EXOSC7: variants seen among roughly 807,000 people sequenced by gnomAD.
EXOSC7 encodes the protein exosome complex component RRP42.
A neutral mutation model predicts 34.3 loss-of-function variants in EXOSC7; 25 were observed. That is an observed-to-expected ratio of 0.73 (90% CI 0.53 to 1.02). The LOEUF is 1.02. Among genes scored for constraint, EXOSC7 ranks in the 50% least tolerant of loss-of-function variants. The pLI, the probability that EXOSC7 is intolerant of heterozygous loss-of-function variation, is 0.00. For synonymous variants in EXOSC7, 130 were observed against 143.0 expected, an observed-to-expected ratio of 0.91 and a Z score of 0.65; for missense variants, 370 against 368.5, an observed-to-expected ratio of 1.00 and a Z score of -0.03.
chr3:44,994,365 A>G (rs1324014119), intron 3 of EXOSC7, among the ~76,000 whole-genome samples: 1 of 150,360 alleles, frequency 6.7e-6, no homozygotes, highest in East Asian at 1.9e-4. Context: ...TGTTTCATGT[A>G]GGGATTTTTT....
chr3:45,009,510 T>A (rs9830872), intron 7 of EXOSC7, among the ~76,000 whole-genome samples: 1,530 of 103,452 alleles, frequency 0.015, 29 homozygotes, highest in African/African-American at 0.035. Context: ...AGATTCAGAC[T>A]TTTTTTTCTT....
At chr3:45,011,503 A>G, downstream of EXOSC7, 1 of 527,886 alleles carries the variant, frequency 1.9e-6, no homozygotes, top group Admixed American at 3.5e-5. Flanking sequence ...CTTCAGTTGA[A>G]GCCAAGGCAC....
intron 1 of EXOSC7, among the ~76,000 whole-genome samples, chr3:44,987,626 G>A (rs973423619): frequency 6.6e-6 from 1 of 152,184 alleles, no homozygotes; most frequent in Non-Finnish European, 1.5e-5. Context: ...CCACACTGAA[G>A]GGCACGTAGA....
intron 6 of EXOSC7, among the ~76,000 whole-genome samples, chr3:45,006,670 C>T (rs1017335354): frequency 2.6e-4 from 40 of 151,956 alleles, no homozygotes; most frequent in Admixed American, 9.2e-4. Context: ...CCCGCCTCGG[C>T]CTCCCAAAGT....
At chr3:45,008,882 G>T (rs962102249) in intron 7 of EXOSC7, among the ~76,000 whole-genome samples, 1 of 152,234 alleles carries the variant, frequency 6.6e-6, no homozygotes, top group Non-Finnish European at 1.5e-5. Flanking sequence ...AATAGCTGGA[G>T]TTTATTGTGT....
chr3:45,006,907 T>C (rs763016093), intron 6 of EXOSC7, among the ~76,000 whole-genome samples: 1 of 151,640 alleles, frequency 6.6e-6, no homozygotes, highest in Non-Finnish European at 1.5e-5. Flanking sequence ...GTATTTTTGG[T>C]GGAGACAGGG....
At chr3:44,999,575 G>A (rs1706819247) in intron 4 of EXOSC7, among the ~76,000 whole-genome samples, 2 of 152,114 alleles carry the variant, frequency 1.3e-5, no homozygotes, top group South Asian at 4.1e-4. Flanking sequence ...TGTAATCCCA[G>A]CTACTGGGGA....
At chr3:44,989,314 G>C (rs1232171175) in intron 2 of EXOSC7, 73 bp downstream of exon 2, 6 of 1,205,058 alleles carry the variant, frequency 5.0e-6, no homozygotes, top group African/African-American at 1.5e-5. Context: ...TGCTGACGCT[G>C]TCTGGCTTTT....
chr3:44,996,212 C>T (rs1279132116), intron 3 of EXOSC7, among the ~76,000 whole-genome samples: 1 of 152,194 alleles, frequency 6.6e-6, no homozygotes, highest in Non-Finnish European at 1.5e-5. Context: ...TGGCTTCTTA[C>T]CTTTCTAGTC....
intron 5 of EXOSC7, among the ~76,000 whole-genome samples, chr3:45,002,862 A>G (rs1706918737): frequency 6.6e-6 from 1 of 152,090 alleles, no homozygotes; most frequent in African/African-American, 2.4e-5. Context: ...ACTCTTGGCC[A>G]CCGTGGGAGC....
chr3:44,996,333 A>T (rs1182366082), intron 3 of EXOSC7, among the ~76,000 whole-genome samples: 3 of 152,184 alleles, frequency 2.0e-5, no homozygotes, highest in Non-Finnish European at 4.4e-5. Context: ...TAAACACTTC[A>T]GTGTTTTTAG....
In EXOSC7 at chr3:44,989,215, A is replaced by G. The variant is rs1706501904; in HGVS notation, c.133A>G (p.Thr45Ala). The change falls in exon 2 of 8, where the codon ACT (threonine) becomes GCT (alanine). Residue 45 changes from threonine (T) to alanine (A), a missense_variant. Around this residue, in one of 3 missense-constraint regions of EXOSC7, gnomAD observed 95 missense variants for 79.8 expected, o/e 1.19. Coordinates refer to ENST00000265564, the MANE Select transcript of EXOSC7 (RefSeq NM_015004.4). ...VEVETDVVSNTSGSARVKLGH... is the reference protein window; with the variant it reads ...VEVETDVVSNASGSARVKLGH... ...AGTGGAAACTGATGTGGTGTCCAAC[A>G]CTAGTGGGTCCGCCAGGGTCAAGCT... 5 of 1,614,094 alleles carry G rather than the reference A, an allele frequency of 3.1e-6. No homozygotes were observed. In the East Asian group the frequency reaches 8.9e-5, roughly 29 times the overall value.
chr3:44,984,606 T>C (rs533697369), intron 1 of EXOSC7, among the ~76,000 whole-genome samples: 4 of 152,346 alleles, frequency 2.6e-5, no homozygotes, highest in Admixed American at 1.3e-4. Flanking sequence ...CTGTGTAGCA[T>C]AGCGGTTAAG....
At chr3:44,988,136 AG>A (rs1706471994) in intron 1 of EXOSC7, among the ~76,000 whole-genome samples, 1 of 152,224 alleles carries the variant, frequency 6.6e-6, no homozygotes, top group Admixed American at 6.5e-5. Context: ...CCTTGGAGAA[AG>A]GCTTGATCCC....
chr3:44,978,728 G>A (rs1359937189), intron 1 of EXOSC7, among the ~76,000 whole-genome samples: 1 of 152,232 alleles, frequency 6.6e-6, no homozygotes, highest in African/African-American at 2.4e-5. Context: ...TGGAGGACAT[G>A]TGGAGCCCAA....
chr3:44,992,638 G>T (rs1017595516), intron 3 of EXOSC7, among the ~76,000 whole-genome samples: 10 of 152,262 alleles, frequency 6.6e-5, no homozygotes, highest in Admixed American at 3.9e-4. Context: ...TCATGTCTTT[G>T]GTTTGCTGGT....
At position 45,005,274 on chromosome 3, in the gene EXOSC7, A is replaced by C. The variant is rs1465674874; in HGVS notation, c.492-17A>C. Reference sequence around the variant, plus strand: ...TCCTCCTCCAAGTGGGAATTTTACTAGTGCTTCTGCTTCCAGGATACCAAG... The same window carrying C: ...TCCTCCTCCAAGTGGGAATTTTACTCGTGCTTCTGCTTCCAGGATACCAAG... On this transcript the variant is annotated splice_polypyrimidine_tract_variant and intron_variant, in intron 5 of 7. Coordinates refer to ENST00000265564, the MANE Select transcript of EXOSC7 (RefSeq NM_015004.4). 6.2e-7 allele frequency: 1 copy of C among 1,613,538 alleles called. No individual in the cohort carries two copies. Among genetic ancestry groups the C allele is most frequent in the Non-Finnish European group, 8.5e-7 (1 of 1,179,748 alleles).
chr3:44,996,963 A>G lies in EXOSC7; in HGVS notation c.255-124A>G, dbSNP rs147072512. The G allele has an allele frequency of 6.8e-3, 6,495 of 953,814 alleles. 38 individuals are homozygous for G. Among genetic ancestry groups the G allele is most frequent in the Middle Eastern group, 0.032 (148 of 4,556 alleles). 59.1% of individuals were successfully genotyped at this position (953,814 alleles called of 1,614,324 possible). The stretch of plus-strand genomic sequence containing the variant: ...GCAGATGCCATCCTTTCCTCATCTC[A>G]GTGACTTTCTGTCGAGCAGCTGGCT... On this transcript the variant is annotated intron_variant, in intron 3 of 7. Transcript: ENST00000265564.
intron 6 of EXOSC7, among the ~76,000 whole-genome samples, chr3:45,006,368 G>A (rs1366427449): frequency 2.7e-5 from 4 of 148,720 alleles, no homozygotes; most frequent in Admixed American, 2.7e-4. Flanking sequence ...ATAAGCCACC[G>A]CACCTAGCCG....
Sources: allele counts gnomAD v4.1 joint callset (sites outside exome capture counted in the v4.1 genomes callset), GRCh38; gene constraint gnomAD v4.1.1; regional missense constraint gnomAD v4.1.1; transcripts MANE v1.5; gene names NCBI Gene and HGNC (gene_info 2026-07-23, HGNC 2026-07-21).